NEXMIF: variants seen among roughly 807,000 people sequenced by gnomAD.
NEXMIF encodes the protein XLMR protein related to neurite extension.
Under a neutral mutation model 62.1 loss-of-function variants are expected in NEXMIF, and 8 were observed. The observed-to-expected ratio is 0.13, with a 90% CI of 0.08 to 0.23. The LOEUF is 0.23. Ranked by LOEUF, NEXMIF falls within the 10% of genes least tolerant of loss-of-function variation. The probability of loss-of-function intolerance (pLI) is 1.00; values close to 1 mark genes in which losing one functional copy is unlikely to be tolerated. For synonymous variants in NEXMIF, 404 were observed against 416.6 expected (o/e 0.97, Z 0.37); for missense variants, 976 against 1,113.3 (o/e 0.88, Z 1.75).
intron 1 of NEXMIF, among the ~76,000 whole-genome samples, chrX:74,752,277 T>C (rs2080146766): frequency 9.0e-6 from 1 of 111,480 alleles, no homozygotes; most frequent in Non-Finnish European, 1.9e-5. Flanking sequence ...TATACACACA[T>C]ACCCCAATCC....
At chrX:74,796,928 C>A (rs778307704) in intron 1 of NEXMIF, among the ~76,000 whole-genome samples, 10 of 111,873 alleles carry the variant, frequency 8.9e-5, no homozygotes, top group Non-Finnish European at 1.7e-4. Flanking sequence ...TTGCTTTACA[C>A]TGCAAAAACA....
At chrX:74,884,976 C>A (rs143787652) in intron 1 of NEXMIF, among the ~76,000 whole-genome samples, 1 of 110,842 alleles carries the variant, frequency 9.0e-6, no homozygotes, top group African/African-American at 3.3e-5. Context: ...CAAACTAGAA[C>A]TCAGGATTAA....
chrX:74,864,640 C>T (rs1039136845), intron 1 of NEXMIF, among the ~76,000 whole-genome samples: 1 of 112,262 alleles, frequency 8.9e-6, no homozygotes, highest in Non-Finnish European at 1.9e-5. Context: ...ATTGTGAGGC[C>T]TTCCCAGCCA....
At chrX:74,836,634 C>G (rs1315428600) in intron 1 of NEXMIF, among the ~76,000 whole-genome samples, 1 of 111,636 alleles carries the variant, frequency 9.0e-6, no homozygotes, top group Non-Finnish European at 1.9e-5. Context: ...GTACCCTACC[C>G]TATTGTGGCT....
intron 1 of NEXMIF, among the ~76,000 whole-genome samples, chrX:74,789,691 A>C (rs1303272745): frequency 1.8e-5 from 2 of 110,127 alleles, no homozygotes; most frequent in Admixed American, 1.9e-4. Context: ...ATGGTATCTC[A>C]TTGTGGTTTT....
intron 1 of NEXMIF, among the ~76,000 whole-genome samples, chrX:74,886,706 T>C (rs1323237863): frequency 2.7e-5 from 3 of 110,485 alleles, no homozygotes; most frequent in Non-Finnish European, 5.6e-5. Context: ...ATCAATATCA[T>C]GACAATGGCC....
chrX:74,763,874 C>A lies in NEXMIF; in HGVS notation c.-47-18177G>T, dbSNP rs186251559. On this transcript the variant is annotated intron_variant, in intron 1 of 3. Transcript: ENST00000055682. ...AGCTTAAGGAGATTTTGGGCTGAGA[C>A]AATGGGGTTTTGTAGATATACAATC... Among the ~76,000 whole-genome samples the A allele has an allele frequency of 7.2e-5, 8 of 111,887 alleles. No homozygotes were observed. The East Asian group carries it at 2.3e-3, about 32-fold the overall frequency.
At chrX:74,754,898 A>G (rs139654431) in intron 1 of NEXMIF, among the ~76,000 whole-genome samples, 67 of 111,839 alleles carry the variant, frequency 6.0e-4, no homozygotes, top group African/African-American at 2.0e-3. Context: ...AAGTGATACT[A>G]CTGTCCTGGC....
intron 1 of NEXMIF, among the ~76,000 whole-genome samples, chrX:74,828,463 C>T (rs773734586): frequency 2.4e-4 from 27 of 111,664 alleles, no homozygotes; most frequent in African/African-American, 8.4e-4. Context: ...AATTGATCAA[C>T]CTATCCAAGG....
chrX:74,740,212 G>A lies in NEXMIF; in HGVS notation c.4345C>T (p.Arg1449Cys), dbSNP rs946737858. 3 of 1,209,004 alleles carry A rather than the reference G, an allele frequency of 2.5e-6. No homozygotes were observed. Among genetic ancestry groups the A allele is most frequent in the Non-Finnish European group, 3.4e-6 (3 of 894,903 alleles). ...NNGPTHKKLY[R>C]HKSSSKALRD... is the part of the protein sequence containing the mutation. Reference sequence around the variant, plus strand: ...AGGGCCTTGGAGCTGGATTTGTGACGATACAACTTTTTGTGTGTCGGTCCG... The same window carrying A: ...AGGGCCTTGGAGCTGGATTTGTGACAATACAACTTTTTGTGTGTCGGTCCG... Residue 1449 changes from arginine to cysteine, a missense_variant, in exon 3 of 4, where the codon CGT becomes TGT. Coordinates refer to ENST00000055682, the MANE Select transcript of NEXMIF (RefSeq NM_001008537.3).
At chrX:74,767,559 T>C (rs1470839400) in intron 1 of NEXMIF, among the ~76,000 whole-genome samples, 1 of 111,386 alleles carries the variant, frequency 9.0e-6, no homozygotes, top group Admixed American at 9.4e-5. Flanking sequence ...GGCAGTTGAC[T>C]GCTCTAGTCA....
At position 74,868,787 on chromosome X, in the gene NEXMIF, A is replaced by T. The variant is rs753095161; in HGVS notation, c.-48+56096T>A. ...TGTATCCCAGAGCTTAAAATAAAAT[A>T]AAATTAAATTAAAATTAGAAAAAAA... On this transcript the variant is annotated intron_variant, in intron 1 of 3. Transcript: ENST00000055682. Among the ~76,000 whole-genome samples, 65 of 111,290 alleles carry T rather than the reference A, an allele frequency of 5.8e-4. 1 individual carries two copies. The highest frequency in any genetic ancestry group is 2.0e-3 in the African/African-American group (60 of 30,726).
intron 1 of NEXMIF, among the ~76,000 whole-genome samples, chrX:74,892,205 A>G: frequency 8.9e-6 from 1 of 112,271 alleles, no homozygotes; most frequent in Non-Finnish European, 1.9e-5. Context: ...CAAAGCCTCA[A>G]TGCAGAGGGA....
At chrX:74,789,362 T>C (rs1353365674) in intron 1 of NEXMIF, among the ~76,000 whole-genome samples, 27 of 106,575 alleles carry the variant, frequency 2.5e-4, no homozygotes, top group Middle Eastern at 9.3e-3. Context: ...ATTTTCTTAA[T>C]CCAGTCTATC....
At chrX:74,780,677 C>A (rs1184068835) in intron 1 of NEXMIF, among the ~76,000 whole-genome samples, 1 of 111,498 alleles carries the variant, frequency 9.0e-6, no homozygotes, top group Non-Finnish European at 1.9e-5. Context: ...GCGCCTAGCC[C>A]CATCTTAAAA....
chrX:74,862,652 ACAAT>A (rs2080562185), intron 1 of NEXMIF, among the ~76,000 whole-genome samples: 2 of 111,984 alleles, frequency 1.8e-5, no homozygotes, highest in African/African-American at 3.2e-5. Context: ...AGACCACAGC[ACAAT>A]CAAATTAGAA....
Position 74,741,256 on chromosome X carries a change from C to T in NEXMIF, c.3301G>A (p.Gly1101Ser), listed in dbSNP as rs1461176254. 1 of 1,210,768 alleles carries T rather than the reference C, an allele frequency of 8.3e-7. No homozygotes were observed. Among genetic ancestry groups the T allele is most frequent in the African/African-American group, 1.7e-5 (1 of 57,660 alleles). ...TLGTLKGFQE[G>S]VPGPLDSVEK... ...ACACTGTCCAATGGTCCTGGGACAC[C>T]CTCTTGGAACCCCTTTAGTGTTCCT... Residue 1101 changes from glycine to serine, a missense_variant, in exon 3 of 4, where the codon GGT becomes AGT. By Grantham distance (56) the Gly-to-Ser change is moderately conservative. Coordinates refer to ENST00000055682, the MANE Select transcript of NEXMIF (RefSeq NM_001008537.3).
intron 1 of NEXMIF, among the ~76,000 whole-genome samples, chrX:74,770,860 C>G (rs1434275955): frequency 8.9e-6 from 1 of 111,907 alleles, no homozygotes; most frequent in African/African-American, 3.2e-5. Context: ...ACCTACTATA[C>G]AGTAGACTGA....
chrX:74,811,175 T>G (rs1208710360), intron 1 of NEXMIF, among the ~76,000 whole-genome samples: 3 of 111,935 alleles, frequency 2.7e-5, no homozygotes, highest in Non-Finnish European at 5.6e-5. Flanking sequence ...TGCATTATTC[T>G]ACACCTTTTC....
Sources: allele counts gnomAD v4.1 joint callset (sites outside exome capture counted in the v4.1 genomes callset), GRCh38; gene constraint gnomAD v4.1.1; transcripts MANE v1.5; gene names NCBI Gene and HGNC (gene_info 2026-07-23, HGNC 2026-07-21).